The following ABHD2 variants were observed in gnomAD, a reference collection of about 807,000 sequenced individuals.
The protein encoded by ABHD2 is monoacylglycerol lipase ABHD2.
In ABHD2, 20 loss-of-function variants were observed where a neutral mutation model predicts 48.1. The ratio of observed to expected loss-of-function variants is 0.42; its 90% confidence interval spans 0.29 to 0.60. The LOEUF (loss-of-function observed/expected upper bound fraction) is 0.60. Ranked by LOEUF, ABHD2 falls within the 20% of genes least tolerant of loss-of-function variation. The pLI is 0.24. For missense variants in ABHD2, 405 were observed against 550.9 expected, an observed-to-expected ratio of 0.74 and a Z score of 2.65; for synonymous variants, 209 against 214.2, an observed-to-expected ratio of 0.98 and a Z score of 0.21.
At chr15:89,080,265 T>C in the ABHD2 span, among the ~76,000 whole-genome samples, 1 of 152,174 alleles carries the variant, frequency 6.6e-6, no homozygotes, top group Non-Finnish European at 1.5e-5. Context: ...AGGCGGTAGA[T>C]ACAGAGACCT....
upstream of ABHD2, among the ~76,000 whole-genome samples, chr15:89,084,894 T>C (rs564144059): frequency 1.3e-5 from 2 of 152,282 alleles, no homozygotes; most frequent in African/African-American, 4.8e-5. This position sits in a 1 kb window ranked among gnomAD's most constrained non-coding sequence, Gnocchi z 4.4. Flanking sequence ...AGAGATGTGC[T>C]GTACTCGCCC....
the ABHD2 span, among the ~76,000 whole-genome samples, chr15:89,078,725 C>CTTTTTTTTTTTTTTTTTTTTTT: frequency 7.0e-6 from 1 of 143,678 alleles, no homozygotes; most frequent in Non-Finnish European, 1.5e-5. Flanking sequence ...ACAATGTAGG[C>CTTTTTTTTTTTTTTTTTTTTTT]TTTTTTTTTT....
At chr15:89,107,159 A>G (rs2049799345) in intron 1 of ABHD2, among the ~76,000 whole-genome samples, 1 of 152,190 alleles carries the variant, frequency 6.6e-6, no homozygotes, top group African/African-American at 2.4e-5. Context: ...GGGTGGTGTC[A>G]GGAGCAGGGG....
chr15:89,096,102 A>G (rs1001696385), intron 1 of ABHD2, among the ~76,000 whole-genome samples: 12 of 152,346 alleles, frequency 7.9e-5, no homozygotes, highest in African/African-American at 2.9e-4. Flanking sequence ...GAGTGTGAGA[A>G]TGGACTTGTC....
rs2051426173 is a variant in ABHD2, at chr15:89,197,555, A to C, written c.*2132A>C. ...CCTAGGACTGAATCACCACCCCAGAAGAGCGAGAGGCTCCTTTCATATGCC... is the reference window on the plus strand; with the variant it reads ...CCTAGGACTGAATCACCACCCCAGACGAGCGAGAGGCTCCTTTCATATGCC... On this transcript the variant is annotated 3_prime_UTR_variant, in exon 11 of 11. Transcript: ENST00000352732. This position sits in a 1 kb window ranked among gnomAD's most constrained non-coding sequence, Gnocchi z 4.4. 6.6e-6 allele frequency: 1 copy of C among 152,304 alleles called. No individual in the cohort carries two copies. The highest frequency in any genetic ancestry group is 1.5e-5 in the Non-Finnish European group (1 of 68,070). The allele number at this position is 152,304 out of a possible 1,614,324, so 9.4% of individuals were successfully genotyped here. A position where few individuals can be genotyped will look rare whatever the true frequency, so the allele number is the denominator to read the frequency against.
intron 3 of ABHD2, chr15:89,135,605 C>T: frequency 6.5e-7 from 1 of 1,542,618 alleles, no homozygotes; most frequent in East Asian, 2.3e-5. Flanking sequence ...TCCTCATCTT[C>T]CTCCTCTTCC....
At chr15:89,117,800 C>A (rs764371546) in intron 3 of ABHD2, among the ~76,000 whole-genome samples, 1 of 152,186 alleles carries the variant, frequency 6.6e-6, no homozygotes, top group Non-Finnish European at 1.5e-5. Flanking sequence ...CAATGAACAT[C>A]TGAGAGTCTG....
In ABHD2 at chr15:89,137,628, T is replaced by G. The variant is rs531494165; in HGVS notation, c.195-14049T>G. On this transcript the variant is annotated intron_variant, in intron 3 of 10. Coordinates refer to ENST00000352732, the MANE Select transcript of ABHD2 (RefSeq NM_152924.5). The surrounding 1 kb of genome is among the most constrained non-coding windows in gnomAD (Gnocchi z 4.8). Reference sequence around the variant, plus strand: ...AGAAACAGTCTCTGCATTGGAATTTTCCTGTGCAGATCCTGCAATTCAGGA... The same window carrying G: ...AGAAACAGTCTCTGCATTGGAATTTGCCTGTGCAGATCCTGCAATTCAGGA... 4.6e-5 allele frequency among the ~76,000 whole-genome samples: 7 copies of G among 152,226 alleles called. No individual in the cohort carries two copies. The highest frequency in any genetic ancestry group is 7.3e-5 in the Non-Finnish European group (5 of 68,034).
intron 5 of ABHD2, among the ~76,000 whole-genome samples, chr15:89,157,736 G>T (rs1032959191): frequency 2.0e-5 from 3 of 151,938 alleles, no homozygotes; most frequent in African/African-American, 7.3e-5. Flanking sequence ...CCAGCTACTC[G>T]GGAGGCTGAG....
the ABHD2 span, among the ~76,000 whole-genome samples, chr15:89,074,349 T>C: frequency 1.3e-5 from 2 of 149,034 alleles, no homozygotes; most frequent in African/African-American, 5.0e-5. Context: ...GCATCCAGCC[T>C]GGGGGGCAAG....
intron 6 of ABHD2, among the ~76,000 whole-genome samples, chr15:89,180,727 T>C (rs1383142590): frequency 6.6e-6 from 1 of 152,184 alleles, no homozygotes; most frequent in African/African-American, 2.4e-5. Context: ...GATCGTGCCC[T>C]CTTCCTCTCT....
At chr15:89,157,482 C>G (rs930030711) in intron 5 of ABHD2, among the ~76,000 whole-genome samples, 157 of 152,298 alleles carry the variant, frequency 1.0e-3, no homozygotes, top group African/African-American at 3.7e-3. Context: ...TGTATTCACA[C>G]CCACAGCTGA....
chr15:89,176,882 T>G lies in ABHD2; in HGVS notation c.722+887T>G, dbSNP rs1219202279. ...TAATGCCAAACAGTCCTTATCGTTATTCAAAGAATCTTTTTGCCTCACCTG... is the reference window on the plus strand; with the variant it reads ...TAATGCCAAACAGTCCTTATCGTTAGTCAAAGAATCTTTTTGCCTCACCTG... On this transcript the variant is annotated intron_variant, in intron 6 of 10. Transcript: ENST00000352732. The surrounding 1 kb of genome is among the most constrained non-coding windows in gnomAD (Gnocchi z 4.5). Among the ~76,000 whole-genome samples, 1 of 152,236 alleles carries G rather than the reference T, an allele frequency of 6.6e-6. No individual in the cohort carries two copies. The highest frequency in any genetic ancestry group is 2.4e-5 in the African/African-American group (1 of 41,462).
chr15:89,054,112 A>G, the ABHD2 span, among the ~76,000 whole-genome samples: 1 of 152,208 alleles, frequency 6.6e-6, no homozygotes, highest in African/African-American at 2.4e-5. Context: ...ACCTGAGGTC[A>G]GGAGTTCAAG....
the ABHD2 span, among the ~76,000 whole-genome samples, chr15:89,079,306 CT>C: frequency 1.3e-5 from 2 of 152,196 alleles, no homozygotes; most frequent in Non-Finnish European, 2.9e-5. This position sits in a 1 kb window ranked among gnomAD's most constrained non-coding sequence, Gnocchi z 4.3. Context: ...ACCCTTCCTT[CT>C]TTTTTTCCTT....
the ABHD2 span, among the ~76,000 whole-genome samples, chr15:89,072,393 T>C: frequency 6.6e-6 from 1 of 151,870 alleles, no homozygotes; most frequent in African/African-American, 2.4e-5. Context: ...CAAGAATCAC[T>C]TGAACCCAGG....
At chr15:89,065,684 T>A in the ABHD2 span, among the ~76,000 whole-genome samples, 1 of 152,164 alleles carries the variant, frequency 6.6e-6, no homozygotes, top group Non-Finnish European at 1.5e-5. Flanking sequence ...AGTTTTAGCT[T>A]CCCCACTTTG....
Position 89,167,928 on chromosome 15 carries a change from C to T in ABHD2, c.539-7884C>T, listed in dbSNP as rs914832316. ...CATGTCCCCTGCTTACTCATGCTGG[C>T]GAGTACTGTGTGCCTTTATTCCAGA... On this transcript the variant is annotated intron_variant, in intron 5 of 10. Coordinates refer to ENST00000352732, the MANE Select transcript of ABHD2 (RefSeq NM_152924.5). This position sits in a 1 kb window ranked among gnomAD's most constrained non-coding sequence, Gnocchi z 5.5. 5.3e-5 allele frequency among the ~76,000 whole-genome samples: 8 copies of T among 152,178 alleles called. No individual in the cohort carries two copies. The highest frequency in any genetic ancestry group is 4.4e-5 in the Non-Finnish European group (3 of 68,038).
In ABHD2 at chr15:89,091,959, G is replaced by T. The variant is rs1007646365; in HGVS notation, c.-107+3396G>T. On this transcript the variant is annotated intron_variant, in intron 1 of 10. Transcript: ENST00000352732. The surrounding 1 kb of genome is among the most constrained non-coding windows in gnomAD (Gnocchi z 5.5). Reference sequence around the variant, plus strand: ...TCAGGATTTTATAGCAGCTTTTCATGGTTCAGCCTTTTTGGCCAGTGCATG... The same window carrying T: ...TCAGGATTTTATAGCAGCTTTTCATTGTTCAGCCTTTTTGGCCAGTGCATG... 1.3e-5 allele frequency among the ~76,000 whole-genome samples: 2 copies of T among 152,186 alleles called. No homozygotes were observed. The highest frequency in any genetic ancestry group is 2.4e-5 in the African/African-American group (1 of 41,438).
Sources: gnomAD v4.1 joint callset for allele counts (sites outside exome capture counted in the v4.1 genomes callset) on GRCh38, gnomAD v4.1.1 for gene constraint, Gnocchi (gnomAD v3.1) non-coding constraint, MANE v1.5 for transcripts, NCBI Gene and HGNC (gene_info 2026-07-23, HGNC 2026-07-21) for gene names.